LNP1: variants seen among roughly 807,000 people sequenced by gnomAD.
The protein encoded by LNP1 is leukemia NUP98 fusion partner 1.
Under a neutral mutation model 14.5 loss-of-function variants are expected in LNP1, and 12 were observed. The ratio of observed to expected loss-of-function variants is 0.83; its 90% confidence interval spans 0.53 to 1.34. The LOEUF is 1.34. Among genes scored for constraint, LNP1 ranks in the 40% most tolerant of loss-of-function variants. The pLI, the probability that LNP1 is intolerant of heterozygous loss-of-function variation, is 0.00. For missense variants in LNP1, 198 were observed against 210.9 expected, an observed-to-expected ratio of 0.94 and a Z score of 0.38; for synonymous variants, 75 against 71.4, an observed-to-expected ratio of 1.05 and a Z score of -0.26.
chr3:100,410,835 C>T lies in LNP1; in HGVS notation c.-34+8396C>T, dbSNP rs549131557. Among the ~76,000 whole-genome samples the T allele has an allele frequency of 1.1e-4, 16 of 152,358 alleles. No individual in the cohort carries two copies. The East Asian group carries it at 2.3e-3, about 22-fold the overall frequency. On this transcript the variant is annotated intron_variant, in intron 1 of 3. Coordinates refer to ENST00000383693, the MANE Select transcript of LNP1 (RefSeq NM_001085451.2). ...CAAGAAAAGGGAAGACTGACTCCAA[C>T]AGCAATTCAGAAATCCTCAGGGCTG...
intron 2 of LNP1, among the ~76,000 whole-genome samples, chr3:100,449,322 G>A (rs961894356): frequency 2.6e-5 from 4 of 151,722 alleles, no homozygotes; most frequent in African/African-American, 9.7e-5. Context: ...GGTATCCTCT[G>A]TTGCAGTAAC....
At chr3:100,442,878 T>C (rs1003667095) in intron 2 of LNP1, among the ~76,000 whole-genome samples, 4 of 152,208 alleles carry the variant, frequency 2.6e-5, no homozygotes, top group African/African-American at 9.6e-5. Context: ...CCTAGACAGG[T>C]AGGTCCTGAG....
intron 2 of LNP1, among the ~76,000 whole-genome samples, chr3:100,441,695 C>T (rs1204308097): frequency 6.6e-6 from 1 of 151,882 alleles, no homozygotes; most frequent in African/African-American, 2.4e-5. Flanking sequence ...TGGAGTCTCA[C>T]TCTGTTGCCC....
chr3:100,446,365 A>C (rs1286067003), intron 2 of LNP1, among the ~76,000 whole-genome samples: 2 of 152,364 alleles, frequency 1.3e-5, no homozygotes, highest in Admixed American at 1.3e-4. Flanking sequence ...TTCCCTATTT[A>C]AGAAATGGTG....
intron 1 of LNP1, among the ~76,000 whole-genome samples, chr3:100,415,059 C>G (rs1008030942): frequency 3.3e-5 from 5 of 152,134 alleles, no homozygotes; most frequent in African/African-American, 9.7e-5. Flanking sequence ...AAAACTAAAA[C>G]TTTAAACTTT....
intron 2 of LNP1, among the ~76,000 whole-genome samples, chr3:100,435,648 C>T (rs1707287210): frequency 2.0e-5 from 3 of 152,112 alleles, no homozygotes; most frequent in African/African-American, 7.2e-5. Flanking sequence ...TGGAGACAGG[C>T]ACTTCAAAGG....
chr3:100,419,133 G>GT (rs1052228636), intron 1 of LNP1, among the ~76,000 whole-genome samples: 2 of 152,108 alleles, frequency 1.3e-5, no homozygotes, highest in East Asian at 1.9e-4. Flanking sequence ...CTGTCCATAG[G>GT]TTTTTTCTGC....
intron 1 of LNP1, among the ~76,000 whole-genome samples, chr3:100,422,426 G>T (rs1037502189): frequency 1.3e-5 from 2 of 151,960 alleles, no homozygotes; most frequent in African/African-American, 2.4e-5. Flanking sequence ...CTTGTGATCC[G>T]CCTGCCTCAG....
At chr3:100,418,208 C>T (rs1017493442) in intron 1 of LNP1, among the ~76,000 whole-genome samples, 4 of 151,464 alleles carry the variant, frequency 2.6e-5, no homozygotes, top group African/African-American at 9.7e-5. Context: ...TACAGGCACC[C>T]ACCACCACAC....
chr3:100,432,488 A>G (rs1016803878), intron 2 of LNP1, among the ~76,000 whole-genome samples: 3 of 152,206 alleles, frequency 2.0e-5, no homozygotes, highest in African/African-American at 7.2e-5. Flanking sequence ...TCTAGTAGAA[A>G]ATACAAATTT....
rs1277562662 is a variant in LNP1 at position 100,429,954 on chromosome 3, T to C, written c.156+69T>C. 1.3e-5 allele frequency: 20 copies of C among 1,498,316 alleles called. No individual in the cohort carries two copies. The East Asian group carries it at 4.1e-4, about 31-fold the overall frequency. 92.8% of individuals were successfully genotyped at this position (1,498,316 alleles called of 1,614,324 possible). A position where few individuals can be genotyped will look rare whatever the true frequency, so the allele number is the denominator to read the frequency against. On this transcript the variant is annotated intron_variant, in intron 2 of 3. Transcript: ENST00000383693. Reference sequence around the variant, plus strand: ...GAGGGGGTTTCTCTTAGATAATTTTTTGAGGAATCTTTGGATATAAAGTTT... The same window carrying C: ...GAGGGGGTTTCTCTTAGATAATTTTCTGAGGAATCTTTGGATATAAAGTTT...
At chr3:100,422,381 C>T (rs957510340) in intron 1 of LNP1, among the ~76,000 whole-genome samples, 4 of 151,992 alleles carry the variant, frequency 2.6e-5, no homozygotes, top group Non-Finnish European at 5.9e-5. Flanking sequence ...GACAGGGTTT[C>T]ACTGTGTTAG....
At chr3:100,429,022 A>G (rs185318620) in intron 1 of LNP1, among the ~76,000 whole-genome samples, 1 of 152,348 alleles carries the variant, frequency 6.6e-6, no homozygotes, top group African/African-American at 2.4e-5. Flanking sequence ...CTTTACCTGC[A>G]TGGTGGTGGT....
chr3:100,409,603 TATA>T (rs1342958982), intron 1 of LNP1, among the ~76,000 whole-genome samples: 14 of 96,110 alleles, frequency 1.5e-4, no homozygotes, highest in African/African-American at 4.6e-4. Flanking sequence ...TATATATATA[TATA>T]TTTTTTTTTT....
At position 100,429,750 on chromosome 3, in the gene LNP1, T is replaced by C; in HGVS notation, c.21T>C (p.Asp7=). 1 of 1,613,814 alleles carries C rather than the reference T, an allele frequency of 6.2e-7. No individual in the cohort carries two copies. Among genetic ancestry groups the C allele is most frequent in the African/African-American group, 1.3e-5 (1 of 74,962 alleles). MEHKDD[D]DDDVSFAKWM... Reference sequence around the variant, plus strand: ...TTTACATGGAGCACAAAGATGATGATGATGATGATGTGTCTTTTGCCAAAT... The same window carrying C: ...TTTACATGGAGCACAAAGATGATGACGATGATGATGTGTCTTTTGCCAAAT... The change falls in exon 2 of 4, where the codon GAT becomes GAC. Residue 7 remains aspartate (D), a synonymous_variant. Transcript: ENST00000383693.
At chr3:100,418,758 G>T (rs926787945) in intron 1 of LNP1, among the ~76,000 whole-genome samples, 9 of 151,940 alleles carry the variant, frequency 5.9e-5, no homozygotes, top group Admixed American at 5.9e-4. Context: ...ACTCTTCACA[G>T]TTTCTCCTCA....
At chr3:100,427,057 C>T (rs1362014847) in intron 1 of LNP1, among the ~76,000 whole-genome samples, 1 of 151,920 alleles carries the variant, frequency 6.6e-6, no homozygotes, top group Admixed American at 6.6e-5. Flanking sequence ...GAGAGATTCC[C>T]AGTTGGAATG....
intron 1 of LNP1, among the ~76,000 whole-genome samples, chr3:100,415,670 A>G (rs908083142): frequency 1.3e-5 from 2 of 152,212 alleles, no homozygotes; most frequent in African/African-American, 4.8e-5. Flanking sequence ...CACACACAAG[A>G]AAACCTGTTT....
chr3:100,417,364 C>CTTTT (rs1228887073), intron 1 of LNP1, among the ~76,000 whole-genome samples: 4 of 83,170 alleles, frequency 4.8e-5, no homozygotes, highest in East Asian at 3.4e-4. Flanking sequence ...TTCTTTCTTT[C>CTTTT]TTTTTTCTTT....
Sources: gnomAD v4.1 joint callset for allele counts (sites outside exome capture counted in the v4.1 genomes callset) on GRCh38, gnomAD v4.1.1 for gene constraint, MANE v1.5 for transcripts, NCBI Gene and HGNC (gene_info 2026-07-23, HGNC 2026-07-21) for gene names.